Variants in IQCM observed in about 807,000 individuals in gnomAD.
IQCM encodes the protein IQ domain-containing protein M.
A neutral mutation model predicts 57.6 loss-of-function variants in IQCM; 45 were observed. That is an observed-to-expected ratio of 0.78 (90% confidence interval 0.62 to 1.00). IQCM has a LOEUF of 1.00. Among genes scored for constraint, IQCM ranks in the 50% least tolerant of loss-of-function variants. The pLI is 0.00. For synonymous variants in IQCM, 148 were observed against 158.9 expected (o/e 0.93, Z 0.51); for missense variants, 468 against 511.6 (o/e 0.91, Z 0.82).
intron 9 of IQCM, among the ~76,000 whole-genome samples, chr4:149,583,892 A>G (rs1180725007): frequency 6.6e-6 from 1 of 151,526 alleles, no homozygotes; most frequent in Non-Finnish European, 1.5e-5. Flanking sequence ...ACTATACTAA[A>G]AAAGAGAAAA....
At chr4:149,486,378 T>C (rs547637715) in intron 12 of IQCM, among the ~76,000 whole-genome samples, 189 of 152,120 alleles carry the variant, frequency 1.2e-3, no homozygotes, top group African/African-American at 4.4e-3. Flanking sequence ...CACTCTTCCC[T>C]CCAGTTTCCA....
chr4:149,797,420 C>G (rs558228244), intron 2 of IQCM, among the ~76,000 whole-genome samples: 1 of 151,948 alleles, frequency 6.6e-6, no homozygotes, highest in Non-Finnish European at 1.5e-5. Flanking sequence ...CCTACAGGAT[C>G]TAGAAAATAG....
At chr4:149,434,448 TA>T (rs1206670068) in intron 12 of IQCM, among the ~76,000 whole-genome samples, 1 of 152,110 alleles carries the variant, frequency 6.6e-6, no homozygotes, top group African/African-American at 2.4e-5. Context: ...CCTGAGGACT[TA>T]AAGTGATTCT....
chr4:149,727,638 C>T (rs1766068037), intron 5 of IQCM, among the ~76,000 whole-genome samples: 1 of 152,106 alleles, frequency 6.6e-6, no homozygotes, highest in African/African-American at 2.4e-5. Flanking sequence ...CCCTTCTGCC[C>T]AGGGACAGAA....
chr4:149,750,157 G>C (rs1475597393), intron 2 of IQCM, among the ~76,000 whole-genome samples: 5 of 152,082 alleles, frequency 3.3e-5, no homozygotes, highest in Admixed American at 2.6e-4. Context: ...TTGTTATCTT[G>C]ATAAAATTTT....
At chr4:149,778,977 T>A (rs1771356685) in intron 2 of IQCM, among the ~76,000 whole-genome samples, 1 of 152,144 alleles carries the variant, frequency 6.6e-6, no homozygotes, top group African/African-American at 2.4e-5. Flanking sequence ...AGAGAAATAC[T>A]TCCAAGTTCA....
intron 12 of IQCM, among the ~76,000 whole-genome samples, chr4:149,509,611 C>A (rs2149806758): frequency 6.6e-6 from 1 of 152,108 alleles, no homozygotes; most frequent in East Asian, 1.9e-4. Context: ...AAGATATAAT[C>A]TAAGGCCAAG....
intron 8 of IQCM, among the ~76,000 whole-genome samples, chr4:149,598,977 G>A (rs944659780): frequency 6.6e-6 from 1 of 151,962 alleles, no homozygotes; most frequent in Admixed American, 6.6e-5. Flanking sequence ...CACTGACCTT[G>A]CCCATCTGCC....
chr4:149,354,219 C>T (rs1027033049), intron 13 of IQCM, among the ~76,000 whole-genome samples: 1 of 148,612 alleles, frequency 6.7e-6, no homozygotes, highest in Non-Finnish European at 1.5e-5. Flanking sequence ...AAAAAATTAG[C>T]CGGGCGTAGT....
intron 13 of IQCM, among the ~76,000 whole-genome samples, chr4:149,397,378 T>G (rs541377180): frequency 3.9e-5 from 6 of 152,062 alleles, no homozygotes; most frequent in African/African-American, 1.4e-4. Flanking sequence ...GAATCTCGAA[T>G]TGTAATCCCC....
intron 13 of IQCM, among the ~76,000 whole-genome samples, chr4:149,424,623 T>C (rs1228657301): frequency 2.6e-5 from 4 of 151,894 alleles, no homozygotes; most frequent in African/African-American, 9.7e-5. Context: ...GAGTATATTA[T>C]ACATGATATA....
intron 12 of IQCM, among the ~76,000 whole-genome samples, chr4:149,541,163 T>C (rs1747811294): frequency 6.6e-6 from 1 of 152,084 alleles, no homozygotes; most frequent in Non-Finnish European, 1.5e-5. Flanking sequence ...GAGCAGAAAA[T>C]GCAGCATTGT....
At chr4:149,541,528 C>T (rs1747851999) in intron 12 of IQCM, among the ~76,000 whole-genome samples, 1 of 152,000 alleles carries the variant, frequency 6.6e-6, no homozygotes, top group Non-Finnish European at 1.5e-5. Flanking sequence ...AGATAATATA[C>T]ACCCACAATT....
chr4:149,736,875 G>T (rs1223434881), intron 3 of IQCM, among the ~76,000 whole-genome samples: 1 of 152,126 alleles, frequency 6.6e-6, no homozygotes, highest in Non-Finnish European at 1.5e-5. Context: ...GTTTACAAAA[G>T]ATTTGTACAA....
At chr4:149,511,553 AAATAAAT>A in intron 12 of IQCM, among the ~76,000 whole-genome samples, 1 of 151,348 alleles carries the variant, frequency 6.6e-6, no homozygotes, top group Middle Eastern at 3.2e-3. Context: ...ATAAATAAAT[AAATAAAT>A]AAATAAATAA....
intron 7 of IQCM, among the ~76,000 whole-genome samples, chr4:149,625,187 A>C (rs773377221): frequency 6.6e-6 from 1 of 152,316 alleles, no homozygotes; most frequent in East Asian, 1.9e-4. Flanking sequence ...CATTAGTTTA[A>C]ATTTTAGAAT....
At position 149,732,942 on chromosome 4, in the gene IQCM, C is replaced by T. The variant is rs578079748; in HGVS notation, c.385+302G>A. 1.0e-3 allele frequency among the ~76,000 whole-genome samples: 155 copies of T among 152,286 alleles called. 1 individual carries two copies. The highest frequency in any genetic ancestry group is 3.6e-3 in the African/African-American group (149 of 41,574). ...AATTCAGGGCTATCGTCCATGGCTG[C>T]TTTAGCATCTGTGAAATAAACAGTC... is the stretch of plus-strand genomic sequence containing the variant. On this transcript the variant is annotated intron_variant, in intron 5 of 13. Transcript: ENST00000636793.
At chr4:149,651,336 T>C (rs1233130100) in intron 7 of IQCM, among the ~76,000 whole-genome samples, 1 of 152,174 alleles carries the variant, frequency 6.6e-6, no homozygotes, top group Non-Finnish European at 1.5e-5. Flanking sequence ...ATAATTCATA[T>C]TTTTAGGACT....
At chr4:149,670,967 C>G (rs1761218423) in intron 7 of IQCM, among the ~76,000 whole-genome samples, 1 of 148,366 alleles carries the variant, frequency 6.7e-6, no homozygotes, top group Admixed American at 6.7e-5. Flanking sequence ...TGTGTCTCTG[C>G]CAGGCTTTGG....
Sources: gnomAD v4.1 joint callset for allele counts (sites outside exome capture counted in the v4.1 genomes callset) on GRCh38, gnomAD v4.1.1 for gene constraint, MANE v1.5 for transcripts, NCBI Gene and HGNC (gene_info 2026-07-23, HGNC 2026-07-21) for gene names.